Variants in CRACDL observed in about 807,000 individuals in gnomAD.
CRACDL encodes CRACD like.
A neutral mutation model predicts 70.6 loss-of-function variants in CRACDL; 26 were observed. The ratio of observed to expected loss-of-function variants is 0.37; its 90% CI spans 0.27 to 0.51. The LOEUF (loss-of-function observed/expected upper bound fraction) is 0.51, where lower values mean the gene tolerates loss of function less well. Ranked by LOEUF, CRACDL falls within the 20% of genes least tolerant of loss-of-function variation. CRACDL has a pLI of 0.94. For missense variants in CRACDL, 1,283 were observed against 1,376.9 expected (o/e 0.93, Z 1.08); for synonymous variants, 618 against 615.2 (o/e 1.00, Z -0.07).
At chr2:98,914,572 C>CT (rs1708623880) in intron 1 of CRACDL, among the ~76,000 whole-genome samples, 1 of 152,174 alleles carries the variant, frequency 6.6e-6, no homozygotes, top group South Asian at 2.1e-4. Context: ...TCAAGGGAGA[C>CT]TTTTTTAAAG....
At chr2:98,856,566 T>G (rs2104561571) in intron 1 of CRACDL, among the ~76,000 whole-genome samples, 1 of 152,286 alleles carries the variant, frequency 6.6e-6, no homozygotes, top group Non-Finnish European at 1.5e-5. Context: ...TAAAAGACAG[T>G]GTAATTGAAT....
rs984822596 is a variant in CRACDL, at chr2:98,833,100, C to A, written c.240-103G>T. On this transcript the variant is annotated intron_variant, in intron 3 of 9. Transcript: ENST00000397899. ...GGATGTGAGTGAACAGAACATCAAA[C>A]AACACTCCCTCTGCTGCATTTACAT... 4 of 1,048,012 alleles carry A rather than the reference C, an allele frequency of 3.8e-6. No homozygotes were observed. The African/African-American group carries it at 6.3e-5, about 17-fold the overall frequency. The allele number at this position is 1,048,012 out of a possible 1,614,324, so 64.9% of individuals were successfully genotyped here. A position where few individuals can be genotyped will look rare whatever the true frequency, so the allele number is the denominator to read the frequency against.
At position 98,856,042 on chromosome 2, in the gene CRACDL, G is replaced by A. The variant is rs549023220; in HGVS notation, c.-10-9232C>T. Among the ~76,000 whole-genome samples, 26 of 152,252 alleles carry A rather than the reference G, an allele frequency of 1.7e-4. No individual in the cohort carries two copies. In the South Asian group the frequency reaches 4.8e-3, roughly 28 times the overall value. On this transcript the variant is annotated intron_variant, in intron 1 of 9. Transcript: ENST00000397899. ...CCCAAAGGAGAGGACAGAGAAAAAT[G>A]TAGAAAAATGATTCTCTGAAATAAT...
At chr2:98,887,152 T>C (rs2104626990) in intron 1 of CRACDL, among the ~76,000 whole-genome samples, 1 of 152,188 alleles carries the variant, frequency 6.6e-6, no homozygotes, top group African/African-American at 2.4e-5. Flanking sequence ...TGAAGACAGG[T>C]CAATTGAGAT....
intron 1 of CRACDL, among the ~76,000 whole-genome samples, chr2:98,902,539 G>A (rs757174155): frequency 6.6e-6 from 1 of 152,068 alleles, no homozygotes; most frequent in African/African-American, 2.4e-5. Context: ...TCTGGTCTTC[G>A]GAGTAGATGT....
At chr2:98,808,348 C>A (rs74339783) in intron 7 of CRACDL, among the ~76,000 whole-genome samples, 1,909 of 152,320 alleles carry the variant, frequency 0.013, 19 homozygotes, top group Non-Finnish European at 0.02. Context: ...TCATCCTGGG[C>A]AGGTCCACCA....
Position 98,796,236 on chromosome 2 carries a change from C to A in CRACDL, c.2633G>T (p.Arg878Leu). ...QEPVKQADFV[R>L]SKSFLITPVK... is the part of the protein sequence containing the mutation. ...AGGGGTTATCAGGAAAGACTTGCTG[C>A]GAACAAAGTCAGCTTGCTTCACAGG... Residue 878 changes from arginine (R) to leucine (L), a missense_variant, in exon 9 of 10, where the codon CGC becomes CTC. By Grantham distance (102) the Arg-to-Leu change is moderately radical. Coordinates refer to ENST00000397899, the MANE Select transcript of CRACDL (RefSeq NM_207362.3). 6.2e-7 allele frequency: 1 copy of A among 1,614,114 alleles called. No homozygotes were observed.
chr2:98,869,820 C>G (rs1016522921), intron 1 of CRACDL, among the ~76,000 whole-genome samples: 4 of 152,242 alleles, frequency 2.6e-5, no homozygotes, highest in African/African-American at 9.6e-5. Context: ...CATCGTGTTA[C>G]CTCAGGTCCT....
intron 1 of CRACDL, among the ~76,000 whole-genome samples, chr2:98,866,154 C>T (rs1256686193): frequency 1.3e-5 from 2 of 152,140 alleles, no homozygotes; most frequent in African/African-American, 4.8e-5. Context: ...TATTCAGATG[C>T]TAAATGACAG....
intron 7 of CRACDL, among the ~76,000 whole-genome samples, chr2:98,814,973 T>G (rs772424189): frequency 1.1e-4 from 16 of 152,322 alleles, no homozygotes; most frequent in African/African-American, 3.4e-4. Flanking sequence ...TTCTGAAGTC[T>G]TCTTTGTGTT....
In CRACDL at chr2:98,822,418, G is replaced by C. The variant is rs1333798804; in HGVS notation, c.1855C>G (p.Leu619Val). 1.4e-6 allele frequency: 2 copies of C among 1,481,078 alleles called. No homozygotes were observed. The highest frequency in any genetic ancestry group is 1.8e-6 in the Non-Finnish European group (2 of 1,124,458). The allele number at this position is 1,481,078 out of a possible 1,614,324, so 91.7% of individuals were successfully genotyped here. Residue 619 changes from leucine to valine, a missense_variant, in exon 7 of 10, where the codon CTC becomes GTC. Physicochemically the swap from Leu to Val is conservative, Grantham distance 32. Coordinates refer to ENST00000397899, the MANE Select transcript of CRACDL (RefSeq NM_207362.3). The surrounding 1 kb of genome is among the most constrained non-coding windows in gnomAD (Gnocchi z 4.9). ...GGTTTCGCGTGCTGGGGCTCGGGGAGACCCTGGAGGTCGTCAAGAGCCGCC... is the reference window on the plus strand; with the variant it reads ...GGTTTCGCGTGCTGGGGCTCGGGGACACCCTGGAGGTCGTCAAGAGCCGCC... ...SEAALDDLQG[L>V]PEPQHAKPGP...
At chr2:98,829,187 C>T (rs1705437497) in intron 5 of CRACDL, among the ~76,000 whole-genome samples, 1 of 152,266 alleles carries the variant, frequency 6.6e-6, no homozygotes, top group African/African-American at 2.4e-5. Context: ...GAAGGATGCA[C>T]AGCAGGACCT....
At chr2:98,850,778 T>C (rs1002150196) in intron 1 of CRACDL, among the ~76,000 whole-genome samples, 2 of 152,216 alleles carry the variant, frequency 1.3e-5, no homozygotes, top group Non-Finnish European at 2.9e-5. Flanking sequence ...AAGGGAGTCC[T>C]GCATCTAAAA....
At chr2:98,848,716 A>G (rs143697566) in intron 1 of CRACDL, among the ~76,000 whole-genome samples, 1,548 of 152,150 alleles carry the variant, frequency 0.01, 11 homozygotes, top group Non-Finnish European at 0.016. Flanking sequence ...CCCCACAAAT[A>G]GCTGGGAACA....
At position 98,856,508 on chromosome 2, in the gene CRACDL, T is replaced by C. The variant is rs562492933; in HGVS notation, c.-10-9698A>G. Among the ~76,000 whole-genome samples, 85 of 152,292 alleles carry C rather than the reference T, an allele frequency of 5.6e-4. 1 individual carries two copies. The highest frequency in any genetic ancestry group is 9.4e-4 in the Non-Finnish European group (64 of 68,016). On this transcript the variant is annotated intron_variant, in intron 1 of 9. Transcript: ENST00000397899. ...GCAACACCAAGCAGTAACTTGAATC[T>C]ACACAAAAAATCAGAGGCATCAATA...
chr2:98,929,599 C>T (rs1015316458), intron 1 of CRACDL, among the ~76,000 whole-genome samples: 1 of 152,116 alleles, frequency 6.6e-6, no homozygotes, highest in Admixed American at 6.5e-5. Flanking sequence ...CTCTACAGAC[C>T]CACACCTGGT....
chr2:98,872,713 C>T (rs115850385), intron 1 of CRACDL, among the ~76,000 whole-genome samples: 2,711 of 152,354 alleles, frequency 0.018, 89 homozygotes, highest in African/African-American at 0.061. Flanking sequence ...GCATTTCTAA[C>T]AAGCTCCCAG....
At chr2:98,890,924 G>A (rs1328481504) in intron 1 of CRACDL, among the ~76,000 whole-genome samples, 2 of 152,082 alleles carry the variant, frequency 1.3e-5, no homozygotes, top group Non-Finnish European at 2.9e-5. Context: ...GGGCATGGTG[G>A]TGGGCACCTG....
intron 1 of CRACDL, among the ~76,000 whole-genome samples, chr2:98,880,821 C>T (rs10181972): frequency 0.48 from 73,311 of 152,102 alleles, 18,794 homozygotes; most frequent in African/African-American, 0.66. Context: ...TTTCTGGCCA[C>T]TGTGACAGAT....
Sources: gnomAD v4.1 joint callset for allele counts (sites outside exome capture counted in the v4.1 genomes callset) on GRCh38, gnomAD v4.1.1 for gene constraint, Gnocchi (gnomAD v3.1) non-coding constraint, MANE v1.5 for transcripts, NCBI Gene and HGNC (gene_info 2026-07-23, HGNC 2026-07-21) for gene names.